Variants in CYP19A1 observed in about 807,000 individuals in gnomAD.
CYP19A1 encodes the protein aromatase.
In CYP19A1, 32 loss-of-function variants were observed where a neutral mutation model predicts 44.4. The observed-to-expected ratio is 0.72, with a 90% CI of 0.54 to 0.97. The LOEUF is 0.97. Among genes scored for constraint, CYP19A1 ranks in the 50% least tolerant of loss-of-function variants. CYP19A1 has a pLI of 0.00. For missense variants in CYP19A1, 598 were observed against 637.8 expected (o/e 0.94, Z 0.67); for synonymous variants, 212 against 215.6 (o/e 0.98, Z 0.14).
chr15:51,238,498 C>T (rs1248947113), intron 2 of CYP19A1, among the ~76,000 whole-genome samples: 2 of 151,714 alleles, frequency 1.3e-5, no homozygotes, highest in Non-Finnish European at 1.5e-5. Flanking sequence ...AAATGCCATC[C>T]TTTTTTTTGA....
intron 1 of CYP19A1, among the ~76,000 whole-genome samples, chr15:51,292,736 G>A (rs1294411690): frequency 1.3e-5 from 2 of 152,070 alleles, no homozygotes; most frequent in African/African-American, 4.8e-5. Flanking sequence ...ACTGCACAAA[G>A]GAGCACAGGG....
chr15:51,258,306 C>G (rs2034588547), intron 1 of CYP19A1, among the ~76,000 whole-genome samples: 1 of 152,198 alleles, frequency 6.6e-6, no homozygotes, highest in African/African-American at 2.4e-5. Flanking sequence ...CAGTTCCTAG[C>G]CCACAGCACT....
At chr15:51,215,275 A>G (rs1366419261) in intron 7 of CYP19A1, 43 bp from the exon 8 acceptor site, 1 of 1,613,488 alleles carries the variant, frequency 6.2e-7, no homozygotes, top group Non-Finnish European at 8.5e-7. Flanking sequence ...AAGTGAATCA[A>G]AGTTTCAAAA....
intron 1 of CYP19A1, among the ~76,000 whole-genome samples, chr15:51,251,516 A>C (rs867859397): frequency 6.6e-6 from 1 of 152,156 alleles, no homozygotes; most frequent in African/African-American, 2.4e-5. Context: ...TCGCTTTTCT[A>C]TCTAGCTCCC....
rs561598991 is a variant in CYP19A1 at position 51,230,158 on chromosome 15, A to T, written c.297-2225T>A. On this transcript the variant is annotated intron_variant, in intron 3 of 9. Coordinates refer to ENST00000396402, the MANE Select transcript of CYP19A1 (RefSeq NM_000103.4). ...AGGTCACTTACTAAAAGTAGGCTGGATTTATCTAACCAGAGTAAATCAGAA... is the reference window on the plus strand; with the variant it reads ...AGGTCACTTACTAAAAGTAGGCTGGTTTTATCTAACCAGAGTAAATCAGAA... 5.3e-5 allele frequency among the ~76,000 whole-genome samples: 8 copies of T among 152,352 alleles called. No individual in the cohort carries two copies. In the South Asian group the frequency reaches 1.7e-3, roughly 32 times the overall value.
intron 1 of CYP19A1, among the ~76,000 whole-genome samples, chr15:51,282,462 C>T (rs2037839465): frequency 6.6e-6 from 1 of 152,234 alleles, no homozygotes; most frequent in African/African-American, 2.4e-5. Context: ...ACTATCACAG[C>T]TGTAGATCAT....
intron 1 of CYP19A1, among the ~76,000 whole-genome samples, chr15:51,304,293 G>A (rs940493731): frequency 2.6e-5 from 4 of 152,192 alleles, no homozygotes; most frequent in East Asian, 1.9e-4. Context: ...CTTATCTTGG[G>A]GGTGTTGTGG....
chr15:51,211,588 C>G (rs1449614687), intron 9 of CYP19A1: 2 of 383,980 alleles, frequency 5.2e-6, no homozygotes, highest in Non-Finnish European at 5.2e-6. Flanking sequence ...TTTTGTTGAT[C>G]AGTTGACTGA....
intron 1 of CYP19A1, among the ~76,000 whole-genome samples, chr15:51,304,756 C>G (rs935381115): frequency 6.6e-6 from 1 of 152,108 alleles, no homozygotes; most frequent in Non-Finnish European, 1.5e-5. Context: ...AGAGAAAATC[C>G]TCAGCCTAAT....
At chr15:51,263,244 A>T (rs1438606890) in intron 1 of CYP19A1, among the ~76,000 whole-genome samples, 1 of 152,204 alleles carries the variant, frequency 6.6e-6, no homozygotes, top group East Asian at 1.9e-4. Context: ...TTCAAGAAGG[A>T]AGATATGGTT....
chr15:51,224,417 AT>A (rs2032402453), intron 4 of CYP19A1, among the ~76,000 whole-genome samples: 1 of 152,124 alleles, frequency 6.6e-6, no homozygotes. Flanking sequence ...TTATCCCCCT[AT>A]TTCCTGAGAT....
chr15:51,236,770 GA>G (rs2033416847), intron 3 of CYP19A1, 88 bp downstream of exon 3: 1 of 1,471,616 alleles, frequency 6.8e-7, no homozygotes, highest in African/African-American at 1.4e-5. Context: ...TAGAAACAAA[GA>G]CATCAAGATT....
At chr15:51,225,186 A>G (rs1319914423) in intron 4 of CYP19A1, among the ~76,000 whole-genome samples, 3 of 152,186 alleles carry the variant, frequency 2.0e-5, no homozygotes, top group African/African-American at 4.8e-5. Flanking sequence ...GAGGGCAGGA[A>G]CCACATCTTG....
chr15:51,217,863 C>G (rs2031721487), intron 6 of CYP19A1, among the ~76,000 whole-genome samples: 1 of 152,138 alleles, frequency 6.6e-6, no homozygotes, highest in African/African-American at 2.4e-5. Context: ...CTAGATTCCA[C>G]AGGCTTTCCA....
At chr15:51,289,664 C>G (rs1479618365) in intron 1 of CYP19A1, among the ~76,000 whole-genome samples, 2 of 152,206 alleles carry the variant, frequency 1.3e-5, no homozygotes, top group Admixed American at 6.5e-5. Flanking sequence ...CTCTCCCCAC[C>G]CCTTGCCAAA....
At chr15:51,335,242 C>T (rs1293629119) in intron 1 of CYP19A1, among the ~76,000 whole-genome samples, 1 of 152,162 alleles carries the variant, frequency 6.6e-6, no homozygotes, top group African/African-American at 2.4e-5. Context: ...ATGGCATCAC[C>T]TTCACAACCA....
chr15:51,266,583 T>G (rs2034927001), intron 1 of CYP19A1, among the ~76,000 whole-genome samples: 1 of 152,244 alleles, frequency 6.6e-6, no homozygotes, highest in African/African-American at 2.4e-5. Context: ...TAGTGGAACT[T>G]TCCAAGTTTA....
chr15:51,302,024 C>A (rs1480023953), intron 1 of CYP19A1, among the ~76,000 whole-genome samples: 2 of 152,142 alleles, frequency 1.3e-5, no homozygotes, highest in South Asian at 2.1e-4. Flanking sequence ...AAAGTGTAGG[C>A]TTCTTAATCT....
chr15:51,208,615 T>C lies in CYP19A1; in HGVS notation c.*2193A>G, dbSNP rs556014254. ...AATTCCAAGGCCAAGCCTCTACAAA[T>C]ATATGGGGTTTGTCTATACAGGCTA... On this transcript the variant is annotated 3_prime_UTR_variant, in exon 10 of 10. Coordinates refer to ENST00000396402, the MANE Select transcript of CYP19A1 (RefSeq NM_000103.4). 2.0e-5 allele frequency: 3 copies of C among 152,100 alleles called. No homozygotes were observed. The highest frequency in any genetic ancestry group is 3.9e-4 in the East Asian group (2 of 5,168). The allele number at this position is 152,100 out of a possible 1,614,324, so 9.4% of individuals were successfully genotyped here. A position where few individuals can be genotyped will look rare whatever the true frequency, so the allele number is the denominator to read the frequency against.
Sources: gnomAD v4.1 joint callset for allele counts (sites outside exome capture counted in the v4.1 genomes callset) on GRCh38, gnomAD v4.1.1 for gene constraint, MANE v1.5 for transcripts, NCBI Gene and HGNC (gene_info 2026-07-23, HGNC 2026-07-21) for gene names.